Variants in RHEB observed in about 807,000 individuals in gnomAD.
RHEB encodes Ras homolog, mTORC1 binding.
RHEB carries 2 observed loss-of-function variants against 28.8 expected under a neutral mutation model. The observed-to-expected ratio is 0.07, with a 90% CI of 0.03 to 0.22. The LOEUF (loss-of-function observed/expected upper bound fraction) is 0.22, where lower values mean the gene tolerates loss of function less well. RHEB is among the 10% of genes least tolerant of loss of function. The pLI, the probability that RHEB is intolerant of heterozygous loss-of-function variation, is 1.00. For missense variants in RHEB, 76 were observed against 219.9 expected, an observed-to-expected ratio of 0.35 and a Z score of 4.14; for synonymous variants, 69 against 77.3, an observed-to-expected ratio of 0.89 and a Z score of 0.56.
rs949830614 is a variant in RHEB at position 151,467,355 on chromosome 7, GCC to G, written c.463-146_463-145del. On this transcript the variant is annotated intron_variant, in intron 7 of 7. Coordinates refer to ENST00000262187, the MANE Select transcript of RHEB (RefSeq NM_005614.4). ...TTCTGGTGAGCCCCAGAACTTCAGG[GCC>G]CCCCGACGCCCAGTAAGGCCACTGT... 6.3e-6 allele frequency: 4 copies of G among 636,366 alleles called. No individual in the cohort carries two copies. The East Asian group carries it at 1.1e-4, about 18-fold the overall frequency. The allele number at this position is 636,366 out of a possible 1,614,324, so 39.4% of individuals were successfully genotyped here. A position where few individuals can be genotyped will look rare whatever the true frequency, so the allele number is the denominator to read the frequency against.
intron 1 of RHEB, among the ~76,000 whole-genome samples, chr7:151,499,312 C>G (rs535577540): frequency 6.6e-6 from 1 of 152,042 alleles, no homozygotes; most frequent in South Asian, 2.1e-4. Context: ...GAGCCAAGAT[C>G]GTGCCACTGC....
At chr7:151,504,320 G>GA (rs560112724) in intron 1 of RHEB, among the ~76,000 whole-genome samples, 50 of 152,104 alleles carry the variant, frequency 3.3e-4, no homozygotes, top group Non-Finnish European at 6.5e-4. Flanking sequence ...TAAGTGGGGG[G>GA]AAAAAATCCA....
At chr7:151,501,129 T>C (rs1233498721) in intron 1 of RHEB, among the ~76,000 whole-genome samples, 1 of 152,096 alleles carries the variant, frequency 6.6e-6, no homozygotes, top group Non-Finnish European at 1.5e-5. Flanking sequence ...AAAAATAACA[T>C]CTTGGACTTC....
intron 2 of RHEB, among the ~76,000 whole-genome samples, chr7:151,485,026 T>C (rs1483151747): frequency 1.3e-5 from 2 of 152,214 alleles, no homozygotes; most frequent in African/African-American, 4.8e-5. Context: ...TTGGTAAACC[T>C]TGATTCTTTT....
intron 1 of RHEB, among the ~76,000 whole-genome samples, chr7:151,505,801 A>G (rs562254904): frequency 2.0e-5 from 3 of 152,374 alleles, no homozygotes; most frequent in Non-Finnish European, 4.4e-5. Flanking sequence ...TCCATTCAAC[A>G]GAATACCACT....
At chr7:151,504,256 T>TATG (rs1802827519) in intron 1 of RHEB, among the ~76,000 whole-genome samples, 1 of 152,096 alleles carries the variant, frequency 6.6e-6, no homozygotes, top group Non-Finnish European at 1.5e-5. Context: ...TTGGGTTGGA[T>TATG]ATGATGGGGC....
In RHEB at chr7:151,519,865, C is replaced by G; in HGVS notation, c.-354G>C. 5.0e-6 allele frequency: 1 copy of G among 201,436 alleles called. No homozygotes were observed. The highest frequency in any genetic ancestry group is 1.0e-5 in the Non-Finnish European group (1 of 99,812). 12.5% of individuals were successfully genotyped at this position (201,436 alleles called of 1,614,324 possible). A position where few individuals can be genotyped will look rare whatever the true frequency, so the allele number is the denominator to read the frequency against. On this transcript the variant is annotated 5_prime_UTR_variant, in exon 1 of 8. Transcript: ENST00000262187. ...CGCCGCGATGCCCCCAGAAAAGTCA[C>G]GACTGAAACTCGCTGCGTCATGACC... is the stretch of plus-strand genomic sequence containing the variant.
Position 151,491,004 on chromosome 7 carries a change from T to A in RHEB, c.63A>T (p.Ser21=), listed in dbSNP as rs771699223. ...ILGYRSVGKS[S]LTIQFVEGQF... ...GGCCTTCAACAAATTGAATCGTCAA[T>A]GAGGATTTCCCTATAAAAGAGAACA... is the stretch of plus-strand genomic sequence containing the variant. Residue 21 remains serine, a synonymous_variant, in exon 2 of 8, where the codon TCA becomes TCT. Coordinates refer to ENST00000262187, the MANE Select transcript of RHEB (RefSeq NM_005614.4). 2.5e-6 allele frequency: 4 copies of A among 1,611,426 alleles called. No individual in the cohort carries two copies. The highest frequency in any genetic ancestry group is 3.4e-6 in the Non-Finnish European group (4 of 1,178,878).
chr7:151,495,373 A>AAATAC (rs1270097316), intron 1 of RHEB, among the ~76,000 whole-genome samples: 1 of 152,258 alleles, frequency 6.6e-6, no homozygotes, highest in Non-Finnish European at 1.5e-5. Flanking sequence ...ATTAACTGTC[A>AAATAC]AATACTCTTC....
At chr7:151,503,354 G>C in intron 1 of RHEB, 1 of 913,518 alleles carries the variant, frequency 1.1e-6, no homozygotes, top group Non-Finnish European at 1.8e-6. Context: ...GACGGGTCTC[G>C]GTTTGTGAAA....
chr7:151,498,113 TG>T (rs1365083646), intron 1 of RHEB: 1 of 1,289,514 alleles, frequency 7.8e-7, no homozygotes, highest in Non-Finnish European at 1.0e-6. Context: ...CCCATGGGGA[TG>T]CACCTGTGCG....
chr7:151,506,469 A>G (rs1584866274), intron 1 of RHEB, among the ~76,000 whole-genome samples: 1 of 152,192 alleles, frequency 6.6e-6, no homozygotes, highest in East Asian at 1.9e-4. Context: ...CCTATCCTAT[A>G]ACGTGCTTTG....
intron 1 of RHEB, among the ~76,000 whole-genome samples, chr7:151,495,073 C>T (rs1802650980): frequency 1.3e-5 from 2 of 152,220 alleles, no homozygotes; most frequent in South Asian, 4.1e-4. Context: ...TTGGTGATCT[C>T]TACTGTGATC....
At position 151,469,986 on chromosome 7, in the gene RHEB, C is replaced by T. The variant is rs141897185; in HGVS notation, c.462+585G>A. ...TGGGGGCGGGAGACAAGCTTGGTGC[C>T]GGGGGTCTAAATTAGAGCAATGGAA... On this transcript the variant is annotated intron_variant, in intron 7 of 7. Transcript: ENST00000262187. Among the ~76,000 whole-genome samples, 298 of 151,916 alleles carry T rather than the reference C, an allele frequency of 2.0e-3. 1 individual carries two copies. Among genetic ancestry groups the T allele is most frequent in the African/African-American group, 6.9e-3 (285 of 41,418 alleles).
chr7:151,499,249 T>C (rs868760255), intron 1 of RHEB, among the ~76,000 whole-genome samples: 62 of 152,170 alleles, frequency 4.1e-4, no homozygotes, highest in African/African-American at 1.3e-3. Flanking sequence ...TCCCAATTAC[T>C]GGGGAGGCTG....
chr7:151,468,417 G>A lies in RHEB; in HGVS notation c.463-1206C>T, dbSNP rs868388693. Among the ~76,000 whole-genome samples the A allele has an allele frequency of 9.9e-5, 15 of 152,108 alleles. No homozygotes were observed. Among genetic ancestry groups the A allele is most frequent in the African/African-American group, 3.4e-4 (14 of 41,422 alleles). On this transcript the variant is annotated intron_variant, in intron 7 of 7. Transcript: ENST00000262187. This position sits in a 1 kb window ranked among gnomAD's most constrained non-coding sequence, Gnocchi z 4.3. The stretch of plus-strand genomic sequence containing the variant: ...CTGGCACGGTGCCCGCGGCCACACC[G>A]TAAACGCTGCCCAGGGAAAACACAC...
intron 4 of RHEB, among the ~76,000 whole-genome samples, chr7:151,476,221 G>A (rs1802270846): frequency 6.6e-6 from 1 of 152,176 alleles, no homozygotes; most frequent in African/African-American, 2.4e-5. Context: ...CACACTCACA[G>A]AGCAGCAGAC....
In RHEB at chr7:151,468,289, T is replaced by TTGA. The variant is rs1296462758; in HGVS notation, c.463-1079_463-1078insTCA. On this transcript the variant is annotated intron_variant, in intron 7 of 7. Coordinates refer to ENST00000262187, the MANE Select transcript of RHEB (RefSeq NM_005614.4). The surrounding 1 kb of genome is among the most constrained non-coding windows in gnomAD (Gnocchi z 4.3). The stretch of plus-strand genomic sequence containing the variant: ...TGACCCTATTATTACATCTCCCCTG[T>TTGA]CCCTTAACCACTTCTTGCTGCTCCT... Among the ~76,000 whole-genome samples, 5 of 152,194 alleles carry TTGA rather than the reference T, an allele frequency of 3.3e-5. No individual in the cohort carries two copies. Among genetic ancestry groups the TTGA allele is most frequent in the African/African-American group, 1.2e-4 (5 of 41,452 alleles).
At chr7:151,513,501 A>T (rs997754850) in intron 1 of RHEB, among the ~76,000 whole-genome samples, 2 of 152,230 alleles carry the variant, frequency 1.3e-5, no homozygotes, top group East Asian at 1.9e-4. Context: ...TGTGATTTTT[A>T]AAAATGCTTG....
Sources: allele counts gnomAD v4.1 joint callset (sites outside exome capture counted in the v4.1 genomes callset), GRCh38; gene constraint gnomAD v4.1.1; non-coding constraint Gnocchi (gnomAD v3.1); transcripts MANE v1.5; gene names NCBI Gene and HGNC (gene_info 2026-07-23, HGNC 2026-07-21).